Variants in ADARB1 observed in about 807,000 individuals in gnomAD.
ADARB1 encodes the protein adenosine deaminase RNA specific B1, also known as double-stranded RNA-specific editase 1.
A neutral mutation model predicts 52.4 loss-of-function variants in ADARB1; 10 were observed. The ratio of observed to expected loss-of-function variants is 0.19; its 90% CI spans 0.12 to 0.32. The LOEUF (loss-of-function observed/expected upper bound fraction) is 0.32, where lower values mean the gene tolerates loss of function less well. ADARB1 is among the 10% of genes least tolerant of loss of function. The probability of loss-of-function intolerance (pLI) is 1.00; values close to 1 mark genes in which losing one functional copy is unlikely to be tolerated. For synonymous variants in ADARB1, 349 were observed against 371.1 expected, an observed-to-expected ratio of 0.94 and a Z score of 0.68; for missense variants, 643 against 922.3, an observed-to-expected ratio of 0.70 and a Z score of 3.92.
At chr21:45,205,631 A>G (rs898102409) in intron 9 of ADARB1, among the ~76,000 whole-genome samples, 1 of 152,172 alleles carries the variant, frequency 6.6e-6, no homozygotes, top group Admixed American at 6.5e-5. Context: ...GATTCCCTTC[A>G]TTGCTGGTTT....
intron 1 of ADARB1, among the ~76,000 whole-genome samples, chr21:45,127,258 G>A (rs1472032814): frequency 3.3e-5 from 5 of 152,210 alleles, no homozygotes; most frequent in East Asian, 3.8e-4. Flanking sequence ...GATTGGGACC[G>A]CTGGGGAGGG....
intron 2 of ADARB1, among the ~76,000 whole-genome samples, chr21:45,159,745 C>T (rs966166102): frequency 6.6e-6 from 1 of 152,132 alleles, no homozygotes; most frequent in Non-Finnish European, 1.5e-5. Flanking sequence ...GATTGTTTTA[C>T]CCTCTGGACA....
At chr21:45,082,725 C>T (rs1401131199) in intron 1 of ADARB1, among the ~76,000 whole-genome samples, 2 of 152,176 alleles carry the variant, frequency 1.3e-5, no homozygotes, top group Admixed American at 1.3e-4. Flanking sequence ...TCATGATGAT[C>T]TTAGGATGTT....
chr21:45,225,727 A>G lies in ADARB1; in HGVS notation c.*3530A>G, dbSNP rs952700957. The G allele has an allele frequency of 6.0e-6, 3 of 504,140 alleles. No homozygotes were observed. The highest frequency in any genetic ancestry group is 6.3e-6 in the Non-Finnish European group (2 of 318,010). 31.2% of individuals were successfully genotyped at this position (504,140 alleles called of 1,614,324 possible). A position where few individuals can be genotyped will look rare whatever the true frequency, so the allele number is the denominator to read the frequency against. Reference sequence around the variant, plus strand: ...AAGCAGGTGGTCTGCCCCAGGCATAAAGAAGGAAAATTGGCCATCTTTCCC... The same window carrying G: ...AAGCAGGTGGTCTGCCCCAGGCATAGAGAAGGAAAATTGGCCATCTTTCCC... On this transcript the variant is annotated 3_prime_UTR_variant, in exon 11 of 11. Coordinates refer to ENST00000348831, the MANE Select transcript of ADARB1 (RefSeq NM_001112.4).
intron 4 of ADARB1, among the ~76,000 whole-genome samples, chr21:45,177,981 C>A (rs1325384513): frequency 1.3e-5 from 2 of 152,046 alleles, no homozygotes; most frequent in Middle Eastern, 3.2e-3. Flanking sequence ...ATCAGTGCTA[C>A]TAGATCCCAT....
chr21:45,175,821 G>T lies in ADARB1; in HGVS notation c.120G>T (p.Gln40His). The T allele has an allele frequency of 1.2e-6, 2 of 1,614,190 alleles. No individual in the cohort carries two copies. The highest frequency in any genetic ancestry group is 2.2e-5 in the South Asian group (2 of 91,088). ...CACCTGGGCCTGGCGAGGGCTCTCA[G>T]CTCTCCAATGGGGGTGGTGGTGGCC... ...GSTPGPGEGS[Q>H]LSNGGGGGPG... The change falls in exon 4 of 11, where the codon CAG (glutamine) becomes CAT (histidine). Residue 40 changes from glutamine to histidine, a missense_variant. Coordinates refer to ENST00000348831, the MANE Select transcript of ADARB1 (RefSeq NM_001112.4).
At chr21:45,193,249 C>T (rs1196321885) in intron 8 of ADARB1, among the ~76,000 whole-genome samples, 1 of 152,278 alleles carries the variant, frequency 6.6e-6, no homozygotes, top group Admixed American at 6.5e-5. Context: ...CCAGGAATTC[C>T]AAGCTAAATG....
chr21:45,112,714 A>G (rs181058852), intron 1 of ADARB1, among the ~76,000 whole-genome samples: 3 of 151,814 alleles, frequency 2.0e-5, no homozygotes, highest in African/African-American at 4.8e-5. Context: ...AAATAGGTGA[A>G]CATGTGATTT....
Position 45,175,843 on chromosome 21 carries a change from G to T in ADARB1, c.142G>T (p.Gly48Cys). 1 of 1,613,976 alleles carries T rather than the reference G, an allele frequency of 6.2e-7. No individual in the cohort carries two copies. The highest frequency in any genetic ancestry group is 8.5e-7 in the Non-Finnish European group (1 of 1,179,960). The change falls in exon 4 of 11, where the codon GGC becomes TGC. Residue 48 changes from glycine to cysteine, a missense_variant. Around this residue, in one of 2 missense-constraint regions of ADARB1, gnomAD observed 380 missense variants for 446.5 expected, o/e 0.85. Transcript: ENST00000348831. ...GSQLSNGGGG[G>C]PGRKRPLEEG... ...TCAGCTCTCCAATGGGGGTGGTGGT[G>T]GCCCCGGCAGAAAGCGGCCCCTGGA...
intron 2 of ADARB1, among the ~76,000 whole-genome samples, chr21:45,158,490 T>C (rs1246458659): frequency 1.3e-5 from 2 of 152,304 alleles, no homozygotes; most frequent in South Asian, 2.1e-4. Flanking sequence ...ATAAATGCCT[T>C]AGATTTGCAA....
chr21:45,094,984 C>T lies in ADARB1; in HGVS notation c.-220+20191C>T, dbSNP rs142501225. 2.5e-3 allele frequency among the ~76,000 whole-genome samples: 375 copies of T among 152,302 alleles called. 2 individuals carry two copies. Among genetic ancestry groups the T allele is most frequent in the Non-Finnish European group, 4.1e-3 (279 of 68,028 alleles). ...GTGCTGGGCACCTTCTCCACTATCA[C>T]GACTTCCTTGACATTTCAGTCTGTT... On this transcript the variant is annotated intron_variant, in intron 1 of 10. Transcript: ENST00000348831.
chr21:45,171,001 C>G (rs1296482138), intron 2 of ADARB1, among the ~76,000 whole-genome samples: 2 of 152,126 alleles, frequency 1.3e-5, no homozygotes, highest in East Asian at 3.9e-4. Context: ...AGGAGCTATT[C>G]AAGGTGAGAG....
In ADARB1 at chr21:45,221,092, A is replaced by C; in HGVS notation, c.1926+78A>C. ...TCTGTCCTCACACCTACTGTTCCTT[A>C]AGTTGTTTCATCATGTCATCATGCA... On this transcript the variant is annotated intron_variant, in intron 10 of 10. Transcript: ENST00000348831. The surrounding 1 kb of genome is among the most constrained non-coding windows in gnomAD (Gnocchi z 4.9). The C allele has an allele frequency of 6.9e-7, 1 of 1,455,960 alleles. No homozygotes were observed. Among genetic ancestry groups the C allele is most frequent in the Non-Finnish European group, 9.2e-7 (1 of 1,087,684 alleles). The allele number at this position is 1,455,960 out of a possible 1,614,324, so 90.2% of individuals were successfully genotyped here.
chr21:45,141,684 C>T (rs1027789294), intron 2 of ADARB1, among the ~76,000 whole-genome samples: 3 of 151,856 alleles, frequency 2.0e-5, no homozygotes, highest in Middle Eastern at 3.4e-3. Flanking sequence ...CTCCCTGGGT[C>T]GCCTTAGCCA....
chr21:45,084,573 T>G (rs559025853), intron 1 of ADARB1, among the ~76,000 whole-genome samples: 1 of 152,340 alleles, frequency 6.6e-6, no homozygotes, highest in South Asian at 2.1e-4. Context: ...TTAGTTGTCT[T>G]GAATTAAATT....
intron 1 of ADARB1, among the ~76,000 whole-genome samples, chr21:45,119,903 C>G (rs2088061519): frequency 6.6e-6 from 1 of 152,154 alleles, no homozygotes; most frequent in Non-Finnish European, 1.5e-5. Context: ...TAATTGAAAT[C>G]CATTATAAAT....
intron 9 of ADARB1, among the ~76,000 whole-genome samples, chr21:45,218,931 A>G (rs775903629): frequency 3.3e-5 from 5 of 152,236 alleles, no homozygotes; most frequent in African/African-American, 1.2e-4. Context: ...TTGGTGGCCT[A>G]TAACATCCAT....
Position 45,220,778 on chromosome 21 carries a change from C to T in ADARB1, c.1748-58C>T, listed in dbSNP as rs2092950169. 3 of 1,584,884 alleles carry T rather than the reference C, an allele frequency of 1.9e-6. No homozygotes were observed. The highest frequency in any genetic ancestry group is 1.7e-5 in the Admixed American group (1 of 59,286). On this transcript the variant is annotated intron_variant, in intron 9 of 10. Transcript: ENST00000348831. This position sits in a 1 kb window ranked among gnomAD's most constrained non-coding sequence, Gnocchi z 6.3. ...GAGCACAGTGTGCCGCCCGTGGCTG[C>T]TCCCTCCCTGGGGGTGAAAGCGGGC...
At chr21:45,104,015 C>T (rs776542813) in intron 1 of ADARB1, among the ~76,000 whole-genome samples, 1 of 152,092 alleles carries the variant, frequency 6.6e-6, no homozygotes, top group African/African-American at 2.4e-5. Flanking sequence ...GAACCAGGCC[C>T]CAGGGGTCAG....
Sources: allele counts gnomAD v4.1 joint callset (sites outside exome capture counted in the v4.1 genomes callset), GRCh38; gene constraint gnomAD v4.1.1; regional missense constraint gnomAD v4.1.1; non-coding constraint Gnocchi (gnomAD v3.1); transcripts MANE v1.5; gene names NCBI Gene and HGNC (gene_info 2026-07-23, HGNC 2026-07-21).